Variants in FSTL5 observed in about 807,000 individuals in gnomAD.
FSTL5 encodes follistatin like 5.
A neutral mutation model predicts 89.1 loss-of-function variants in FSTL5; 62 were observed. That is an observed-to-expected ratio of 0.70 (90% CI 0.57 to 0.86). FSTL5 has a LOEUF of 0.86. FSTL5 is among the 40% of genes least tolerant of loss of function. The pLI, the probability that FSTL5 is intolerant of heterozygous loss-of-function variation, is 0.00. For synonymous variants in FSTL5, 383 were observed against 346.2 expected (o/e 1.11, Z -1.18); for missense variants, 1,057 against 1,001.6 (o/e 1.06, Z -0.75).
At chr4:161,713,603 C>T (rs992617939) in intron 6 of FSTL5, among the ~76,000 whole-genome samples, 18 of 152,072 alleles carry the variant, frequency 1.2e-4, no homozygotes, top group Admixed American at 1.2e-3. Flanking sequence ...AAAGTATTAC[C>T]TGAAATCACA....
At chr4:161,487,956 T>C (rs904265769) in intron 12 of FSTL5, among the ~76,000 whole-genome samples, 8 of 152,078 alleles carry the variant, frequency 5.3e-5, no homozygotes, top group African/African-American at 1.9e-4. Context: ...TGTAGAAATA[T>C]TTATCTCTAT....
intron 5 of FSTL5, among the ~76,000 whole-genome samples, chr4:161,774,989 T>C (rs1269870286): frequency 1.3e-5 from 2 of 152,182 alleles, no homozygotes; most frequent in East Asian, 1.9e-4. Flanking sequence ...TGATGATAAC[T>C]ATAATCAATT....
Position 162,010,071 on chromosome 4 carries a change from T to C in FSTL5, c.160+23554A>G, listed in dbSNP as rs182275012. 6.3e-3 allele frequency among the ~76,000 whole-genome samples: 957 copies of C among 152,224 alleles called. 5 individuals carry two copies. The highest frequency in any genetic ancestry group is 0.01 in the Admixed American group (160 of 15,278). On this transcript the variant is annotated intron_variant, in intron 3 of 15. Transcript: ENST00000306100. ...ATAAGTAGAGATTCTGAATGATTTC[T>C]TGATGCTTTGTTTCTACTTGTAGGT... is the stretch of plus-strand genomic sequence containing the variant.
chr4:161,489,637 A>C (rs1729797404), intron 12 of FSTL5, among the ~76,000 whole-genome samples: 1 of 152,180 alleles, frequency 6.6e-6, no homozygotes, highest in African/African-American at 2.4e-5. Context: ...TGTGGCACAC[A>C]GCACAATTAG....
At chr4:161,546,832 T>C (rs779202708) in intron 8 of FSTL5, among the ~76,000 whole-genome samples, 3 of 152,000 alleles carry the variant, frequency 2.0e-5, no homozygotes, top group Admixed American at 6.6e-5. Flanking sequence ...GGCATCTCTT[T>C]AGTAGTGTTA....
intron 4 of FSTL5, among the ~76,000 whole-genome samples, chr4:161,867,317 G>A (rs1282159811): frequency 1.3e-5 from 2 of 151,846 alleles, no homozygotes; most frequent in African/African-American, 2.4e-5. Context: ...GCAGTACAAG[G>A]TATTGATATA....
At chr4:161,970,033 G>C (rs997187796) in intron 3 of FSTL5, among the ~76,000 whole-genome samples, 2 of 152,098 alleles carry the variant, frequency 1.3e-5, no homozygotes, top group Admixed American at 6.6e-5. Context: ...AATCGAACTG[G>C]ATTTGATGGG....
intron 11 of FSTL5, among the ~76,000 whole-genome samples, chr4:161,505,969 C>T (rs558676799): frequency 1.3e-5 from 2 of 152,154 alleles, no homozygotes; most frequent in Non-Finnish European, 2.9e-5. Flanking sequence ...TCCCCTCCCC[C>T]CAATGCCATG....
intron 2 of FSTL5, among the ~76,000 whole-genome samples, chr4:162,035,783 T>C (rs1737713636): frequency 6.6e-6 from 1 of 152,138 alleles, no homozygotes; most frequent in Non-Finnish European, 1.5e-5. Flanking sequence ...ATTGCAGTAA[T>C]TCAGGTGGGC....
At chr4:161,536,694 A>T (rs1731630000) in intron 10 of FSTL5, among the ~76,000 whole-genome samples, 1 of 152,182 alleles carries the variant, frequency 6.6e-6, no homozygotes, top group Non-Finnish European at 1.5e-5. Flanking sequence ...TTTTCCTAGA[A>T]TTCACACACT....
At chr4:161,747,844 TAAC>T (rs1243756129) in intron 6 of FSTL5, among the ~76,000 whole-genome samples, 1 of 152,218 alleles carries the variant, frequency 6.6e-6, no homozygotes, top group Non-Finnish European at 1.5e-5. Context: ...GATGTTTATT[TAAC>T]TTCAATCTAT....
chr4:161,631,224 C>A (rs1735496027), intron 7 of FSTL5, among the ~76,000 whole-genome samples: 1 of 152,200 alleles, frequency 6.6e-6, no homozygotes, highest in Non-Finnish European at 1.5e-5. Context: ...AGAGTTTTCT[C>A]ATATTCCTTT....
rs112835587 is a variant in FSTL5, at chr4:161,642,501, C to T, written c.894+13827G>A. Among the ~76,000 whole-genome samples, 919 of 151,890 alleles carry T rather than the reference C, an allele frequency of 6.1e-3. 6 individuals carry two copies. The highest frequency in any genetic ancestry group is 0.021 in the African/African-American group (885 of 41,440). On this transcript the variant is annotated intron_variant, in intron 7 of 15. Transcript: ENST00000306100. ...AAATGAAAATATGAAAGAAGATATG[C>T]TAATAGTAACCAAAATACAGCAAGA...
intron 8 of FSTL5, among the ~76,000 whole-genome samples, chr4:161,582,969 C>T (rs1026649194): frequency 1.7e-4 from 26 of 151,940 alleles, no homozygotes; most frequent in African/African-American, 6.0e-4. Context: ...GGGTGAATCA[C>T]GAGGTCAGCA....
intron 6 of FSTL5, among the ~76,000 whole-genome samples, chr4:161,695,267 C>T (rs575722203): frequency 2.2e-4 from 34 of 152,142 alleles, no homozygotes; most frequent in African/African-American, 8.2e-4. Flanking sequence ...CCTTTGCATC[C>T]TCATAGCTTA....
At chr4:161,691,973 T>C (rs1162989369) in intron 6 of FSTL5, among the ~76,000 whole-genome samples, 1 of 152,046 alleles carries the variant, frequency 6.6e-6, no homozygotes. Flanking sequence ...ACACAATATG[T>C]ATATTCAAAA....
chr4:161,866,465 AGTGTGTGTGTGTGT>A (rs70937692), intron 4 of FSTL5, among the ~76,000 whole-genome samples: 60 of 131,950 alleles, frequency 4.5e-4, no homozygotes, highest in Middle Eastern at 4.0e-3. Flanking sequence ...TCTAAGCTGT[AGTGTGTGTGTGTGT>A]GTGTGTGTGT....
At chr4:161,893,082 A>G (rs1218462135) in intron 4 of FSTL5, among the ~76,000 whole-genome samples, 2 of 152,156 alleles carry the variant, frequency 1.3e-5, no homozygotes, top group Non-Finnish European at 2.9e-5. Context: ...CTGTGCAGCC[A>G]TTTACCATCT....
chr4:161,610,777 T>C (rs901802144), intron 7 of FSTL5, among the ~76,000 whole-genome samples: 1 of 81,910 alleles, frequency 1.2e-5, no homozygotes, highest in South Asian at 4.3e-4. Context: ...AGATTTCCTC[T>C]ATAATTTTTT....
Sources: gnomAD v4.1 joint callset for allele counts (sites outside exome capture counted in the v4.1 genomes callset) on GRCh38, gnomAD v4.1.1 for gene constraint, MANE v1.5 for transcripts, NCBI Gene and HGNC (gene_info 2026-07-23, HGNC 2026-07-21) for gene names.